The following TMEM117 variants were observed in gnomAD, a reference collection of about 807,000 sequenced individuals.
The protein encoded by TMEM117 is transmembrane protein 117.
TMEM117 carries 27 observed loss-of-function variants against 52.4 expected under a neutral mutation model. That is an observed-to-expected ratio of 0.51 (90% confidence interval 0.38 to 0.71). TMEM117 has a LOEUF of 0.71. Ranked by LOEUF, TMEM117 falls within the 30% of genes least tolerant of loss-of-function variation. The probability of loss-of-function intolerance (pLI) is 0.00; values close to 1 mark genes in which losing one functional copy is unlikely to be tolerated. For synonymous variants in TMEM117, 215 were observed against 206.3 expected, an observed-to-expected ratio of 1.04 and a Z score of -0.36; for missense variants, 556 against 630.5, an observed-to-expected ratio of 0.88 and a Z score of 1.26.
intron 5 of TMEM117, among the ~76,000 whole-genome samples, chr12:44,293,331 T>C (rs1429394468): frequency 6.6e-6 from 1 of 152,056 alleles, no homozygotes; most frequent in East Asian, 1.9e-4. Flanking sequence ...AATGATTCTC[T>C]TATAGGCAGC....
chr12:44,279,529 T>G (rs1950553162), intron 5 of TMEM117, among the ~76,000 whole-genome samples: 1 of 151,308 alleles, frequency 6.6e-6, no homozygotes, highest in Non-Finnish European at 1.5e-5. Context: ...TTTTTTTTTT[T>G]TTGAGATGGA....
intron 6 of TMEM117, among the ~76,000 whole-genome samples, chr12:44,300,356 T>C (rs1327459318): frequency 6.6e-6 from 1 of 152,230 alleles, no homozygotes; most frequent in East Asian, 1.9e-4. Context: ...ACTATTCTTT[T>C]GAATGGGGCA....
At chr12:44,315,376 A>G (rs1236770103) in intron 6 of TMEM117, among the ~76,000 whole-genome samples, 1 of 152,142 alleles carries the variant, frequency 6.6e-6, no homozygotes, top group Admixed American at 6.5e-5. Flanking sequence ...AACTTCTTGA[A>G]GTAGATGTTT....
At chr12:44,102,783 A>G (rs1161328805) in intron 3 of TMEM117, among the ~76,000 whole-genome samples, 2 of 152,000 alleles carry the variant, frequency 1.3e-5, no homozygotes, top group Non-Finnish European at 2.9e-5. Flanking sequence ...CTTAAACTGT[A>G]GTTTCCATAA....
intron 3 of TMEM117, among the ~76,000 whole-genome samples, chr12:44,047,118 T>G (rs1946892259): frequency 6.6e-6 from 1 of 151,628 alleles, no homozygotes; most frequent in Non-Finnish European, 1.5e-5. Flanking sequence ...TTTTAGTGTA[T>G]ATATGTGTGT....
intron 4 of TMEM117, among the ~76,000 whole-genome samples, chr12:44,190,964 A>T (rs917204600): frequency 2.7e-5 from 4 of 147,884 alleles, no homozygotes; most frequent in Non-Finnish European, 6.0e-5. Context: ...AATATATATT[A>T]TATATATATA....
At chr12:44,187,216 C>A (rs2138332803) in intron 4 of TMEM117, among the ~76,000 whole-genome samples, 1 of 152,140 alleles carries the variant, frequency 6.6e-6, no homozygotes, top group South Asian at 2.1e-4. Flanking sequence ...CCATATCAGT[C>A]TAATCCAGAT....
chr12:44,214,570 A>G (rs1949691943), intron 5 of TMEM117, among the ~76,000 whole-genome samples: 1 of 152,172 alleles, frequency 6.6e-6, no homozygotes, highest in Non-Finnish European at 1.5e-5. Context: ...GTCACTGGCA[A>G]GTAGATAATA....
intron 4 of TMEM117, among the ~76,000 whole-genome samples, chr12:44,163,392 A>C (rs1290688190): frequency 5.9e-5 from 9 of 152,222 alleles, no homozygotes; most frequent in Non-Finnish European, 8.8e-5. Flanking sequence ...AACAAGTTCA[A>C]CATTTATTTA....
At chr12:43,912,111 C>T (rs372917542) in intron 2 of TMEM117, among the ~76,000 whole-genome samples, 4 of 149,610 alleles carry the variant, frequency 2.7e-5, no homozygotes, top group South Asian at 2.2e-4. Flanking sequence ...TATCCAACAA[C>T]GATAGACTGG....
chr12:43,901,732 G>A (rs1373132120), intron 2 of TMEM117, among the ~76,000 whole-genome samples: 3 of 152,130 alleles, frequency 2.0e-5, no homozygotes, highest in East Asian at 1.9e-4. Flanking sequence ...TTAGGATTAC[G>A]AAGAATAGAT....
intron 5 of TMEM117, among the ~76,000 whole-genome samples, chr12:44,249,381 G>A (rs142155745): frequency 1.3e-3 from 196 of 152,202 alleles, no homozygotes; most frequent in Admixed American, 2.2e-3. Flanking sequence ...TCCATGGATA[G>A]GAAGAATCAA....
At chr12:44,100,715 A>G (rs73288025) in intron 3 of TMEM117, among the ~76,000 whole-genome samples, 4,637 of 152,088 alleles carry the variant, frequency 0.03, 158 homozygotes, top group African/African-American at 0.083. Context: ...AATAGTTTCT[A>G]TCACTCAGTA....
intron 6 of TMEM117, among the ~76,000 whole-genome samples, chr12:44,301,409 A>C (rs1200552245): frequency 6.6e-6 from 1 of 152,152 alleles, no homozygotes; most frequent in Non-Finnish European, 1.5e-5. Context: ...TATCATAACA[A>C]TGTAAAATGT....
chr12:44,163,325 GA>G (rs2138260153), intron 4 of TMEM117, among the ~76,000 whole-genome samples: 1 of 152,216 alleles, frequency 6.6e-6, no homozygotes, highest in Non-Finnish European at 1.5e-5. Context: ...AACACTTAGG[GA>G]CATGGAGAAC....
chr12:43,859,492 T>C (rs1370703462), intron 2 of TMEM117, among the ~76,000 whole-genome samples: 2 of 100,604 alleles, frequency 2.0e-5, no homozygotes, highest in Non-Finnish European at 4.8e-5. Flanking sequence ...TAAAAAGTTA[T>C]ATAAACCTAT....
At chr12:43,931,330 A>G (rs903372954) in intron 2 of TMEM117, among the ~76,000 whole-genome samples, 3 of 152,224 alleles carry the variant, frequency 2.0e-5, no homozygotes, top group African/African-American at 7.2e-5. Flanking sequence ...AAAACTCAAG[A>G]GTACTTATAG....
chr12:43,879,632 T>G (rs189541002), intron 2 of TMEM117, among the ~76,000 whole-genome samples: 2 of 152,384 alleles, frequency 1.3e-5, no homozygotes, highest in East Asian at 3.9e-4. Flanking sequence ...CTACTGTGCC[T>G]GCTTGCTGTA....
chr12:43,958,176 A>G (rs563768617), intron 3 of TMEM117, among the ~76,000 whole-genome samples: 170 of 152,316 alleles, frequency 1.1e-3, no homozygotes, highest in African/African-American at 4.0e-3. Context: ...GTATGCATAG[A>G]TACTTATATG....
Sources: allele counts gnomAD v4.1 joint callset (sites outside exome capture counted in the v4.1 genomes callset), GRCh38; gene constraint gnomAD v4.1.1; transcripts MANE v1.5; gene names NCBI Gene and HGNC (gene_info 2026-07-23, HGNC 2026-07-21).